The following MAGT1 variants were observed in gnomAD, a reference collection of about 807,000 sequenced individuals.
MAGT1 encodes the protein magnesium transporter 1.
In MAGT1, 4 loss-of-function variants were observed where a neutral mutation model predicts 28.4. The ratio of observed to expected loss-of-function variants is 0.14; its 90% CI spans 0.07 to 0.32. The LOEUF is 0.32. Among genes scored for constraint, MAGT1 ranks in the 10% least tolerant of loss-of-function variants. MAGT1 has a pLI of 1.00. For synonymous variants in MAGT1, 89 were observed against 89.7 expected, an observed-to-expected ratio of 0.99 and a Z score of 0.04; for missense variants, 193 against 264.5, an observed-to-expected ratio of 0.73 and a Z score of 1.88.
At chrX:77,835,044 C>T (rs2076912262) in intron 8 of MAGT1, among the ~76,000 whole-genome samples, 1 of 107,539 alleles carries the variant, frequency 9.3e-6, no homozygotes, top group African/African-American at 3.4e-5. Flanking sequence ...CAAGCTCCAC[C>T]TCCCGGGTTC....
chrX:77,837,174 AG>A (rs1421547195), intron 8 of MAGT1: 1 of 111,605 alleles, frequency 9.0e-6, no homozygotes, highest in Non-Finnish European at 1.9e-5. Context: ...ACACTGAAAT[AG>A]GCAATTTTTA....
intron 7 of MAGT1, among the ~76,000 whole-genome samples, chrX:77,847,234 G>T (rs925670176): frequency 7.1e-5 from 8 of 112,487 alleles, no homozygotes; most frequent in African/African-American, 1.6e-4. Flanking sequence ...CTCCAAGCCA[G>T]GTGTGGGATA....
At chrX:77,880,730 G>A (rs1314982853) in intron 1 of MAGT1, among the ~76,000 whole-genome samples, 1 of 109,531 alleles carries the variant, frequency 9.1e-6, no homozygotes, top group Non-Finnish European at 1.9e-5. Context: ...GGCTGAAGTG[G>A]GTGGATCACT....
intron 8 of MAGT1, among the ~76,000 whole-genome samples, chrX:77,834,271 C>CAT (rs1392858107): frequency 7.7e-5 from 6 of 78,233 alleles, no homozygotes; most frequent in African/African-American, 2.6e-4. Flanking sequence ...TGTATATATG[C>CAT]ATATATGTAT....
intron 1 of MAGT1, among the ~76,000 whole-genome samples, chrX:77,878,466 CTG>C (rs1198239545): frequency 1.4e-5 from 1 of 71,073 alleles, no homozygotes. Flanking sequence ...GAGTAAGACT[CTG>C]TCTCCAAAAA....
chrX:77,839,132 T>A (rs2076927853), intron 8 of MAGT1, among the ~76,000 whole-genome samples: 1 of 107,153 alleles, frequency 9.3e-6, no homozygotes, highest in African/African-American at 3.4e-5. Flanking sequence ...TGAAACCTCA[T>A]CTCTACTAAA....
At chrX:77,841,659 C>T (rs1557214410) in intron 7 of MAGT1, among the ~76,000 whole-genome samples, 2 of 108,596 alleles carry the variant, frequency 1.8e-5, no homozygotes, top group Non-Finnish European at 3.8e-5. Flanking sequence ...ACCTCAAACA[C>T]ATTTAAAAAT....
intron 1 of MAGT1, among the ~76,000 whole-genome samples, chrX:77,894,537 CTT>C (rs1192092725): frequency 8.9e-6 from 1 of 112,003 alleles, no homozygotes; most frequent in Non-Finnish European, 1.9e-5. Context: ...ATTTAAGACT[CTT>C]TTTCTCATCT....
intron 3 of MAGT1, among the ~76,000 whole-genome samples, chrX:77,865,940 G>A (rs2077007624): frequency 1.3e-5 from 1 of 75,360 alleles, no homozygotes; most frequent in Admixed American, 1.7e-4. Context: ...CAGATCACCC[G>A]AGGTCAGGGG....
At chrX:77,843,107 C>T (rs782547798) in intron 7 of MAGT1, among the ~76,000 whole-genome samples, 4 of 112,394 alleles carry the variant, frequency 3.6e-5, no homozygotes, top group South Asian at 3.6e-4. Flanking sequence ...TGTATGCTAC[C>T]GCATGTGGGT....
At position 77,842,327 on chromosome X, in the gene MAGT1, G is replaced by A. The variant is rs1236646631; in HGVS notation, c.827-1007C>T. On this transcript the variant is annotated intron_variant, in intron 7 of 9. Transcript: ENST00000618282. Reference sequence around the variant, plus strand: ...GAGGATCACTTGAGCCTGGAAGGTTGAGGCTGCAGTTAGCCGTGATCATAC... The same window carrying A: ...GAGGATCACTTGAGCCTGGAAGGTTAAGGCTGCAGTTAGCCGTGATCATAC... Among the ~76,000 whole-genome samples the A allele has an allele frequency of 2.7e-5, 3 of 109,842 alleles. No individual in the cohort carries two copies. The East Asian group carries it at 8.7e-4, about 32-fold the overall frequency.
At chrX:77,869,476 T>C (rs1173900884) in intron 3 of MAGT1, among the ~76,000 whole-genome samples, 7 of 109,950 alleles carry the variant, frequency 6.4e-5, no homozygotes, top group Admixed American at 5.8e-4. Context: ...ACCCACAGAG[T>C]GGGAGAAAAT....
intron 1 of MAGT1, among the ~76,000 whole-genome samples, chrX:77,883,475 T>G (rs969800833): frequency 1.7e-4 from 19 of 109,302 alleles, no homozygotes; most frequent in Non-Finnish European, 3.2e-4. Flanking sequence ...TTATCTTTTT[T>G]CAGGCTCTTA....
At chrX:77,856,956 G>A in intron 4 of MAGT1, 83 bp from the exon 5 acceptor site, 1 of 901,105 alleles carries the variant, frequency 1.1e-6, no homozygotes, top group Non-Finnish European at 1.6e-6. Flanking sequence ...TGAAATGAAA[G>A]CAATCAAAAT....
intron 7 of MAGT1, among the ~76,000 whole-genome samples, chrX:77,844,147 A>G (rs1209166858): frequency 4.5e-5 from 5 of 111,343 alleles, no homozygotes; most frequent in Non-Finnish European, 7.5e-5. Context: ...GTCTATTCAG[A>G]GATTCAACTT....
At chrX:77,850,927 A>G (rs2076965843) in intron 7 of MAGT1, among the ~76,000 whole-genome samples, 1 of 110,947 alleles carries the variant, frequency 9.0e-6, no homozygotes, top group Admixed American at 9.7e-5. Context: ...TTTCTAAGGT[A>G]TAATAATTTG....
chrX:77,862,144 G>A (rs1557216520), intron 3 of MAGT1, among the ~76,000 whole-genome samples: 1 of 111,297 alleles, frequency 9.0e-6, no homozygotes, highest in Non-Finnish European at 1.9e-5. Flanking sequence ...TTTTTTGGTA[G>A]GTATCAGTTT....
Position 77,866,199 on chromosome X carries a change from G to A in MAGT1, c.390+4609C>T, listed in dbSNP as rs1305846072. Among the ~76,000 whole-genome samples, 2 of 64,954 alleles carry A rather than the reference G, an allele frequency of 3.1e-5. 1 individual carries two copies. The highest frequency in any genetic ancestry group is 8.3e-5 in the Non-Finnish European group (2 of 24,158). The allele number at this position is 64,954 out of a possible 115,157, so 56.4% of individuals were successfully genotyped here. A position where few individuals can be genotyped will look rare whatever the true frequency, so the allele number is the denominator to read the frequency against. ...CAAAGAATATGATTATGGGAAAGGT[G>A]TGACTGGAGTAAAGAGCACATGAAA... On this transcript the variant is annotated intron_variant, in intron 3 of 9. Transcript: ENST00000618282.
chrX:77,865,216 G>A (rs1381231961), intron 3 of MAGT1, among the ~76,000 whole-genome samples: 2 of 111,807 alleles, frequency 1.8e-5, no homozygotes, highest in Non-Finnish European at 3.8e-5. Context: ...CCGAATACCC[G>A]TTATGTGCTT....
Sources: allele counts gnomAD v4.1 joint callset (sites outside exome capture counted in the v4.1 genomes callset), GRCh38; gene constraint gnomAD v4.1.1; transcripts MANE v1.5; gene names NCBI Gene and HGNC (gene_info 2026-07-23, HGNC 2026-07-21).